The following OSBPL1A variants were observed in gnomAD, a reference collection of about 807,000 sequenced individuals.
OSBPL1A encodes oxysterol binding protein like 1A, also known as oxysterol-binding protein-related protein 1.
In OSBPL1A, 80 loss-of-function variants were observed where a neutral mutation model predicts 137.1. The ratio of observed to expected loss-of-function variants is 0.58; its 90% CI spans 0.49 to 0.70. OSBPL1A has a LOEUF of 0.70. Ranked by LOEUF, OSBPL1A falls within the 30% of genes least tolerant of loss-of-function variation. The pLI, the probability that OSBPL1A is intolerant of heterozygous loss-of-function variation, is 0.00. For missense variants in OSBPL1A, 970 were observed against 1,129.4 expected, an observed-to-expected ratio of 0.86 and a Z score of 2.02; for synonymous variants, 365 against 389.7, an observed-to-expected ratio of 0.94 and a Z score of 0.75.
chr18:24,350,818 A>G (rs1034172794), intron 4 of OSBPL1A, among the ~76,000 whole-genome samples: 6 of 152,186 alleles, frequency 3.9e-5, no homozygotes, highest in African/African-American at 1.4e-4. Context: ...ATTTCCAGAC[A>G]TAAGAATTCT....
chr18:24,315,727 ATAT>A (rs2090711904), intron 11 of OSBPL1A, among the ~76,000 whole-genome samples: 1 of 122,864 alleles, frequency 8.1e-6, no homozygotes, highest in Non-Finnish European at 1.6e-5. Flanking sequence ...TATATGTAAT[ATAT>A]TATATAATAA....
chr18:24,376,760 C>T (rs918753448), intron 2 of OSBPL1A, among the ~76,000 whole-genome samples: 1 of 152,248 alleles, frequency 6.6e-6, no homozygotes, highest in Non-Finnish European at 1.5e-5. Context: ...AGAGATCCAG[C>T]GCAGCGCCGG....
At chr18:24,233,947 G>C (rs904973293) in intron 16 of OSBPL1A, among the ~76,000 whole-genome samples, 1 of 152,010 alleles carries the variant, frequency 6.6e-6, no homozygotes, top group Non-Finnish European at 1.5e-5. Context: ...GCCTCTGCGG[G>C]GTCCTATTAT....
At chr18:24,303,091 C>T (rs1368726867) in intron 14 of OSBPL1A, among the ~76,000 whole-genome samples, 2 of 151,988 alleles carry the variant, frequency 1.3e-5, no homozygotes, top group African/African-American at 4.8e-5. Flanking sequence ...ACCTCTGTCT[C>T]CTAGGTTCAA....
chr18:24,172,130 G>C (rs541633364), intron 22 of OSBPL1A, among the ~76,000 whole-genome samples: 1 of 151,884 alleles, frequency 6.6e-6, no homozygotes, highest in Non-Finnish European at 1.5e-5. Flanking sequence ...TAGTAGAGAC[G>C]GGGTTTCACC....
rs185536661 is a variant in OSBPL1A at position 24,384,718 on chromosome 18, A to G, written c.-2-7183T>C. 8.6e-5 allele frequency among the ~76,000 whole-genome samples: 13 copies of G among 151,894 alleles called. No homozygotes were observed. In the East Asian group the frequency reaches 2.4e-3, roughly 28 times the overall value. ...AACCCCGTCTCTACTAAAAATACAA[A>G]AATTAGCCAAGCGTGGTGGTGGGCC... On this transcript the variant is annotated intron_variant, in intron 1 of 27. Transcript: ENST00000319481.
At chr18:24,204,423 C>CT (rs1402189445) in intron 17 of OSBPL1A, among the ~76,000 whole-genome samples, 1 of 151,998 alleles carries the variant, frequency 6.6e-6, no homozygotes, top group Non-Finnish European at 1.5e-5. Flanking sequence ...AGCTATTAAT[C>CT]TTTTGTCACC....
chr18:24,381,876 G>C (rs970045119), intron 1 of OSBPL1A, among the ~76,000 whole-genome samples: 1 of 151,646 alleles, frequency 6.6e-6, no homozygotes, highest in Admixed American at 6.6e-5. Flanking sequence ...CAGGAGAATC[G>C]CTTGAACCCG....
chr18:24,259,679 T>C (rs1032437446), intron 15 of OSBPL1A, among the ~76,000 whole-genome samples: 4 of 152,192 alleles, frequency 2.6e-5, no homozygotes, highest in Non-Finnish European at 4.4e-5. Flanking sequence ...GCTAATGTTA[T>C]TGGGTTTGGG....
rs368131861 is a variant in OSBPL1A, at chr18:24,323,469, C to T, written c.626-4660G>A. Among the ~76,000 whole-genome samples, 21 of 80,330 alleles carry T rather than the reference C, an allele frequency of 2.6e-4. 3 individuals carry two copies. The East Asian group carries it at 3.8e-3, about 15-fold the overall frequency. 52.7% of individuals were successfully genotyped at this position (80,330 alleles called of 152,430 possible). A position where few individuals can be genotyped will look rare whatever the true frequency, so the allele number is the denominator to read the frequency against. On this transcript the variant is annotated intron_variant, in intron 7 of 27. Transcript: ENST00000319481. ...TTGAACTCCTGACCTCGTGATCCAC[C>T]CACCTCAGCCTCCCAAAGTGCTGGG...
intron 17 of OSBPL1A, among the ~76,000 whole-genome samples, chr18:24,201,600 T>A (rs2087222253): frequency 6.6e-6 from 1 of 151,976 alleles, no homozygotes; most frequent in Non-Finnish European, 1.5e-5. Context: ...CCGTCTCTAC[T>A]AAAAATACAA....
intron 16 of OSBPL1A, among the ~76,000 whole-genome samples, chr18:24,233,363 C>A (rs1349299157): frequency 6.6e-6 from 1 of 152,116 alleles, no homozygotes; most frequent in Non-Finnish European, 1.5e-5. Context: ...AATATCAATA[C>A]TATCTCATCC....
At chr18:24,333,107 A>G (rs544007582) in intron 6 of OSBPL1A, 21 bp from the exon 7 acceptor site, 2 of 1,610,768 alleles carry the variant, frequency 1.2e-6, no homozygotes, top group South Asian at 2.2e-5. Flanking sequence ...AAAAAATGCA[A>G]TGCAGAATTA....
intron 4 of OSBPL1A, among the ~76,000 whole-genome samples, chr18:24,359,055 A>G (rs919479466): frequency 2.0e-5 from 3 of 152,148 alleles, no homozygotes; most frequent in African/African-American, 7.2e-5. Context: ...TGTCCCTACA[A>G]AAAATACAGA....
intron 18 of OSBPL1A, among the ~76,000 whole-genome samples, chr18:24,183,086 G>C (rs922760411): frequency 6.6e-6 from 1 of 151,874 alleles, no homozygotes; most frequent in African/African-American, 2.4e-5. Flanking sequence ...GGTCAGGCTG[G>C]TCTCGAACTC....
chr18:24,371,895 G>A (rs1449437951), intron 2 of OSBPL1A, among the ~76,000 whole-genome samples: 1 of 152,182 alleles, frequency 6.6e-6, no homozygotes, highest in South Asian at 2.1e-4. Flanking sequence ...CCTGTACCCT[G>A]TGGGTCCTCT....
chr18:24,257,030 AC>A (rs2089299863), intron 15 of OSBPL1A, among the ~76,000 whole-genome samples: 1 of 150,516 alleles, frequency 6.6e-6, no homozygotes, highest in Non-Finnish European at 1.5e-5. Context: ...GAAAATGAGT[AC>A]TGTTAAAATG....
chr18:24,294,216 GGTT>G (rs1319561531), intron 14 of OSBPL1A, among the ~76,000 whole-genome samples: 2 of 145,978 alleles, frequency 1.4e-5, no homozygotes, highest in Non-Finnish European at 3.0e-5. Context: ...TCCAATATGT[GGTT>G]GTTTTTTTTT....
chr18:24,368,931 G>T (rs1905389912), intron 2 of OSBPL1A, among the ~76,000 whole-genome samples: 1 of 152,126 alleles, frequency 6.6e-6, no homozygotes. Flanking sequence ...TTGGATCATA[G>T]GGGCGGATTT....
Sources: allele counts gnomAD v4.1 joint callset (sites outside exome capture counted in the v4.1 genomes callset), GRCh38; gene constraint gnomAD v4.1.1; transcripts MANE v1.5; gene names NCBI Gene and HGNC (gene_info 2026-07-23, HGNC 2026-07-21).